Variants in PPM1K observed in about 807,000 individuals in gnomAD.
The protein encoded by PPM1K is protein phosphatase Mn(2+)-dependent 1K.
PPM1K carries 19 observed loss-of-function variants against 32.6 expected under a neutral mutation model. The ratio of observed to expected loss-of-function variants is 0.58; its 90% CI spans 0.41 to 0.86. PPM1K has a LOEUF of 0.86. PPM1K is among the 40% of genes least tolerant of loss of function. The probability of loss-of-function intolerance (pLI) is 0.00; values close to 1 mark genes in which losing one functional copy is unlikely to be tolerated. For missense variants in PPM1K, 362 were observed against 461.2 expected (o/e 0.78, Z 1.97); for synonymous variants, 159 against 165.3 (o/e 0.96, Z 0.29).
At chr4:88,283,981 C>T (rs1037885997) in intron 1 of PPM1K, 3 of 152,318 alleles carry the variant, frequency 2.0e-5, no homozygotes, top group Non-Finnish European at 4.4e-5. Context: ...TTCCCTCGCC[C>T]GGGAGGCAAC....
intron 1 of PPM1K, among the ~76,000 whole-genome samples, chr4:88,279,898 T>C (rs943293187): frequency 2.0e-5 from 3 of 152,186 alleles, no homozygotes; most frequent in African/African-American, 7.2e-5. Context: ...CTTGAAAAAA[T>C]GTATCTTTCC....
At chr4:88,276,216 C>A in intron 3 of PPM1K, 4 of 985,440 alleles carry the variant, frequency 4.1e-6, no homozygotes, top group Non-Finnish European at 4.8e-6. Flanking sequence ...CAATCTCTAT[C>A]CTTATGTATT....
chr4:88,273,727 G>A (rs1441431180), intron 3 of PPM1K, among the ~76,000 whole-genome samples: 1 of 151,526 alleles, frequency 6.6e-6, no homozygotes, highest in Non-Finnish European at 1.5e-5. Flanking sequence ...GGCCAAGCAT[G>A]TTCAATATGT....
chr4:88,277,242 C>A lies in PPM1K; in HGVS notation c.442G>T (p.Asp148Tyr), dbSNP rs766301034. The change falls in exon 3 of 7, where the codon GAT becomes TAT. Residue 148 changes from aspartate (D) to tyrosine (Y), a missense_variant and splice_region_variant. Asp to Tyr is a radical substitution (Grantham distance 160). Coordinates refer to ENST00000608933, the MANE Select transcript of PPM1K (RefSeq NM_152542.5). Reference sequence around the variant, plus strand: ...AAGTTCTTCTCCTTAGGAAGCAAATCCCTTTGTGGGGAGGAAAAAAAGAGC... The same window carrying A: ...AAGTTCTTCTCCTTAGGAAGCAAATACCTTTGTGGGGAGGAAAAAAAGAGC... ...CHTHMEKCIM[D>Y]LLPKEKNLET... 12 of 1,608,766 alleles carry A rather than the reference C, an allele frequency of 7.5e-6. No individual in the cohort carries two copies. In the African/African-American group the frequency reaches 1.6e-4, roughly 22 times the overall value.
intron 3 of PPM1K, among the ~76,000 whole-genome samples, chr4:88,273,208 A>G (rs1411853967): frequency 6.6e-6 from 1 of 152,246 alleles, no homozygotes; most frequent in Non-Finnish European, 1.5e-5. Flanking sequence ...AGCTAGAAAT[A>G]AATTATGTAG....
At chr4:88,266,688 T>G (rs796720068) in intron 5 of PPM1K, among the ~76,000 whole-genome samples, 9 of 138,284 alleles carry the variant, frequency 6.5e-5, no homozygotes, top group African/African-American at 2.5e-4. Flanking sequence ...GCTGGCTGAT[T>G]GGGTGCAGGT....
intron 4 of PPM1K, 91 bp from the exon 5 acceptor site, chr4:88,268,425 A>C: frequency 1.4e-6 from 2 of 1,428,834 alleles, no homozygotes; most frequent in South Asian, 1.2e-5. Flanking sequence ...GATCGAGACC[A>C]TCCTGGCTAA....
intron 3 of PPM1K, among the ~76,000 whole-genome samples, chr4:88,270,504 C>T (rs768308074): frequency 2.6e-5 from 4 of 152,102 alleles, no homozygotes; most frequent in Non-Finnish European, 5.9e-5. Flanking sequence ...CTTTAAATTA[C>T]CCAAACGACT....
intron 3 of PPM1K, among the ~76,000 whole-genome samples, chr4:88,269,762 CAAA>C (rs1037818798): frequency 5.3e-5 from 8 of 152,218 alleles, no homozygotes; most frequent in African/African-American, 1.9e-4. Flanking sequence ...GAGCATCCCA[CAAA>C]TATGAATTTT....
chr4:88,284,361 A>G (rs544666339), intron 1 of PPM1K, 45 bp downstream of exon 1: 12 of 152,392 alleles, frequency 7.9e-5, no homozygotes, highest in African/African-American at 2.6e-4. Flanking sequence ...AGAACAGCAT[A>G]CATGGTTAGC....
chr4:88,280,058 A>G (rs1157524001), intron 1 of PPM1K, among the ~76,000 whole-genome samples: 1 of 152,188 alleles, frequency 6.6e-6, no homozygotes, highest in Admixed American at 6.5e-5. Flanking sequence ...GGTGGGTAAA[A>G]CAGTCAAAAG....
intron 6 of PPM1K, among the ~76,000 whole-genome samples, chr4:88,263,289 CATCT>C (rs1731193874): frequency 6.6e-6 from 1 of 152,034 alleles, no homozygotes; most frequent in African/African-American, 2.4e-5. Flanking sequence ...TTGATTTTTC[CATCT>C]ATCGAATTGG....
At chr4:88,268,524 A>G (rs773735374) in intron 4 of PPM1K, among the ~76,000 whole-genome samples, 190 bp from the exon 5 acceptor site, 25 of 152,130 alleles carry the variant, frequency 1.6e-4, no homozygotes, top group Admixed American at 3.3e-4. Context: ...AGGAGGCTGA[A>G]GCAGGAGAAT....
At chr4:88,268,441 T>C in intron 4 of PPM1K, 107 bp from the exon 5 acceptor site, 1 of 1,299,300 alleles carries the variant, frequency 7.7e-7, no homozygotes, top group East Asian at 2.4e-5. Flanking sequence ...GCTAACACGG[T>C]GAAACCCCGT....
At chr4:88,277,025 C>T in intron 3 of PPM1K, 118 bp downstream of exon 3, 1 of 822,174 alleles carries the variant, frequency 1.2e-6, no homozygotes, top group South Asian at 1.9e-5. Context: ...TACATAAATC[C>T]TTACAAACAA....
chr4:88,266,776 T>C (rs1023407767), intron 5 of PPM1K, among the ~76,000 whole-genome samples: 4 of 135,556 alleles, frequency 3.0e-5, no homozygotes, highest in East Asian at 2.3e-4. Context: ...TGCTGGCCGA[T>C]TGGGTGCAGG....
rs148216559 is a variant in PPM1K at position 88,267,673 on chromosome 4, G to A, written c.852+517C>T. Among the ~76,000 whole-genome samples, 967 of 152,332 alleles carry A rather than the reference G, an allele frequency of 6.3e-3. 7 individuals carry two copies. Among genetic ancestry groups the A allele is most frequent in the African/African-American group, 0.02 (831 of 41,574 alleles). Reference sequence around the variant, plus strand: ...GAGACAGCACTTGTTTATTGGCCCAGAGAAGGAACCAGCAGGCACCAGAGA... The same window carrying A: ...GAGACAGCACTTGTTTATTGGCCCAAAGAAGGAACCAGCAGGCACCAGAGA... On this transcript the variant is annotated intron_variant, in intron 5 of 6. Transcript: ENST00000608933.
chr4:88,272,931 T>C (rs979428047), intron 3 of PPM1K, among the ~76,000 whole-genome samples: 2 of 152,222 alleles, frequency 1.3e-5, no homozygotes, highest in African/African-American at 4.8e-5. Context: ...GTTGGCATCG[T>C]CTCATTTCTG....
intron 1 of PPM1K, among the ~76,000 whole-genome samples, chr4:88,283,510 C>G (rs1732102080): frequency 6.6e-6 from 1 of 152,236 alleles, no homozygotes; most frequent in African/African-American, 2.4e-5. Flanking sequence ...CCGATGAGGC[C>G]TTGCTGCACG....
Sources: gnomAD v4.1 joint callset for allele counts (sites outside exome capture counted in the v4.1 genomes callset) on GRCh38, gnomAD v4.1.1 for gene constraint, MANE v1.5 for transcripts, NCBI Gene and HGNC (gene_info 2026-07-23, HGNC 2026-07-21) for gene names.